TSPAN16: variants seen among roughly 807,000 people sequenced by gnomAD.
TSPAN16 encodes tetraspanin 16.
Under a neutral mutation model 25.2 loss-of-function variants are expected in TSPAN16, and 23 were observed. The observed-to-expected ratio is 0.91, with a 90% CI of 0.66 to 1.29. The LOEUF (loss-of-function observed/expected upper bound fraction) is 1.29, where lower values mean the gene tolerates loss of function less well. Ranked by LOEUF, TSPAN16 falls within the 50% of genes most tolerant of loss-of-function variation. The probability of loss-of-function intolerance (pLI) is 0.00; values close to 1 mark genes in which losing one functional copy is unlikely to be tolerated. For missense variants in TSPAN16, 272 were observed against 299.9 expected (o/e 0.91, Z 0.69); for synonymous variants, 123 against 124.4 (o/e 0.99, Z 0.08).
intron 3 of TSPAN16, among the ~76,000 whole-genome samples, chr19:11,300,080 A>T (rs1409591558): frequency 6.6e-6 from 1 of 152,156 alleles, no homozygotes; most frequent in Non-Finnish European, 1.5e-5. Context: ...ATACATCGAC[A>T]CAGTGGAATC....
chr19:11,302,961 C>T lies in TSPAN16; in HGVS notation c.450+1653C>T, dbSNP rs1036179718. ...GATCTTAAAAACTCCTGGCCTCAGC[C>T]GCCCCGTCCGGGAGGTGAGGGGCGC... On this transcript the variant is annotated intron_variant, in intron 4 of 6. Transcript: ENST00000590327. Among the ~76,000 whole-genome samples, 72 of 150,218 alleles carry T rather than the reference C, an allele frequency of 4.8e-4. 6 individuals carry two copies. The highest frequency in any genetic ancestry group is 1.8e-3 in the African/African-American group (71 of 40,024).
chr19:11,323,104 C>CT (rs1438188136), intron 6 of TSPAN16: 1 of 148,298 alleles, frequency 6.7e-6, no homozygotes, highest in African/African-American at 2.5e-5. Context: ...GAGCGACTCT[C>CT]TGTCTTAAAA....
At chr19:11,314,572 T>C (rs989629597) in intron 6 of TSPAN16, among the ~76,000 whole-genome samples, 2 of 152,118 alleles carry the variant, frequency 1.3e-5, no homozygotes, top group African/African-American at 2.4e-5. Context: ...TTGTAAACTA[T>C]ACAACACCTT....
chr19:11,308,546 C>A (rs577501875), intron 5 of TSPAN16, among the ~76,000 whole-genome samples: 1 of 151,790 alleles, frequency 6.6e-6, no homozygotes, highest in East Asian at 1.9e-4. Context: ...TCTTGGCTTA[C>A]TGCAAGCTCT....
chr19:11,319,989 G>A (rs566194910), downstream of TSPAN16, among the ~76,000 whole-genome samples: 28 of 151,014 alleles, frequency 1.9e-4, no homozygotes, highest in South Asian at 1.0e-3. Context: ...TAATTTTTTT[G>A]TTGTATTTTC....
At chr19:11,318,521 T>C (rs987876599), downstream of TSPAN16, among the ~76,000 whole-genome samples, 2 of 152,110 alleles carry the variant, frequency 1.3e-5, no homozygotes, top group Admixed American at 1.3e-4. Context: ...ATGATCCTAG[T>C]GGTTTTTAAG....
At chr19:11,312,293 G>A in intron 6 of TSPAN16, 71 bp downstream of exon 6, 3 of 962,292 alleles carry the variant, frequency 3.1e-6, no homozygotes, top group Admixed American at 2.4e-5. Flanking sequence ...ACACTGTTCT[G>A]GTCACTGGGA....
chr19:11,305,578 C>T (rs2080617590), intron 4 of TSPAN16, among the ~76,000 whole-genome samples: 1 of 150,180 alleles, frequency 6.7e-6, no homozygotes, highest in South Asian at 2.1e-4. Flanking sequence ...AAATAAAATC[C>T]TTGTTGGGCC....
intron 6 of TSPAN16, chr19:11,325,610 A>G (rs1474346262): frequency 2.0e-6 from 3 of 1,474,410 alleles, no homozygotes; most frequent in African/African-American, 2.5e-5. Flanking sequence ...AGGTGGGGAC[A>G]CTCGTAAGAC....
In TSPAN16 at chr19:11,312,231, C is replaced by A. The variant is rs927382584; in HGVS notation, c.687+9C>A. ...GAGCTGCAGTGATACAGGTAAGACCCAGCCTCTCTAGGGTCTTTGAGCTGT... is the reference window on the plus strand; with the variant it reads ...GAGCTGCAGTGATACAGGTAAGACCAAGCCTCTCTAGGGTCTTTGAGCTGT... On this transcript the variant is annotated intron_variant, in intron 6 of 6. Transcript: ENST00000590327. 6.2e-7 allele frequency: 1 copy of A among 1,605,286 alleles called. No individual in the cohort carries two copies. Among genetic ancestry groups the A allele is most frequent in the South Asian group, 1.1e-5 (1 of 90,094 alleles).
intron 6 of TSPAN16, among the ~76,000 whole-genome samples, chr19:11,313,539 A>T (rs961111677): frequency 2.0e-5 from 3 of 150,708 alleles, no homozygotes; most frequent in South Asian, 2.1e-4. Flanking sequence ...AAAAAAAAAA[A>T]AAATTATATC....
chr19:11,323,175 T>TACTTTAGTTTG (rs1442461424), intron 6 of TSPAN16: 1 of 140,912 alleles, frequency 7.1e-6, no homozygotes, highest in Admixed American at 6.6e-5. Flanking sequence ...TTTTTGAAGC[T>TACTTTAGTTTG]ACTTTAGTTT....
Position 11,296,283 on chromosome 19 carries a change from C to G in TSPAN16, c.-15C>G, listed in dbSNP as rs1303035569. 3 of 1,613,350 alleles carry G rather than the reference C, an allele frequency of 1.9e-6. No individual in the cohort carries two copies. The highest frequency in any genetic ancestry group is 2.5e-6 in the Non-Finnish European group (3 of 1,179,598). ...ATGTTAACTTAAATGTTCAGGGTGC[C>G]CCAGTCTGTTCAGCATGGCTGAAAT... On this transcript the variant is annotated 5_prime_UTR_variant, in exon 1 of 7. Coordinates refer to ENST00000590327, the MANE Select transcript of TSPAN16 (RefSeq NM_001282509.2).
At position 11,306,948 on chromosome 19, in the gene TSPAN16, T is replaced by C. The variant is rs1036289583; in HGVS notation, c.603+192T>C. ...CTCCCGCCCCAGCCTCCCAAGTAGC[T>C]GGGATCACAGGCATGCACCGCCACA... On this transcript the variant is annotated intron_variant, in intron 5 of 6. Coordinates refer to ENST00000590327, the MANE Select transcript of TSPAN16 (RefSeq NM_001282509.2). 2.3e-4 allele frequency: 120 copies of C among 532,640 alleles called. 1 individual carries two copies. In the East Asian group the frequency reaches 4.1e-3, roughly 18 times the overall value. 33.0% of individuals were successfully genotyped at this position (532,640 alleles called of 1,614,324 possible). A position where few individuals can be genotyped will look rare whatever the true frequency, so the allele number is the denominator to read the frequency against.
In TSPAN16 at chr19:11,301,022, T is replaced by G; in HGVS notation, c.343-179T>G. On this transcript the variant is annotated intron_variant, in intron 3 of 6. Transcript: ENST00000590327. Reference sequence around the variant, plus strand: ...GTCTCCCTGTTTCCCTCTCTTGTGGTGGGGGCACAGTAGCCTTCGTGTGTC... The same window carrying G: ...GTCTCCCTGTTTCCCTCTCTTGTGGGGGGGGCACAGTAGCCTTCGTGTGTC... 7.0e-6 allele frequency: 4 copies of G among 570,790 alleles called. No homozygotes were observed. The South Asian group carries it at 8.1e-5, about 12-fold the overall frequency. 35.4% of individuals were successfully genotyped at this position (570,790 alleles called of 1,614,324 possible). A position where few individuals can be genotyped will look rare whatever the true frequency, so the allele number is the denominator to read the frequency against.
At chr19:11,315,766 A>G in intron 6 of TSPAN16, 25 bp from the exon 7 acceptor site, 2 of 1,231,292 alleles carry the variant, frequency 1.6e-6, no homozygotes, top group South Asian at 8.2e-5. Context: ...CATTGGATCC[A>G]TGTTTCTTTC....
chr19:11,316,117 G>GTGT (rs375902342), downstream of TSPAN16: 51 of 228,872 alleles, frequency 2.2e-4, no homozygotes, highest in Non-Finnish European at 2.8e-4. Context: ...GTGTGTGTGT[G>GTGT]GTTTTTTTTT....
At chr19:11,297,958 T>C (rs572349806) in intron 1 of TSPAN16, among the ~76,000 whole-genome samples, 184 bp from the exon 2 acceptor site, 4 of 151,872 alleles carry the variant, frequency 2.6e-5, no homozygotes, top group Admixed American at 2.6e-4. Context: ...CTGGCTATTT[T>C]TTTTTTGTTG....
In TSPAN16 at chr19:11,306,600, A is replaced by G. The variant is rs80043919; in HGVS notation, c.451-4A>G. The G allele has an allele frequency of 3.6e-4, 578 of 1,613,210 alleles. 1 individual carries two copies. In the African/African-American group the frequency reaches 6.8e-3, roughly 19 times the overall value. On this transcript the variant is annotated splice_region_variant and splice_polypyrimidine_tract_variant and intron_variant, in intron 4 of 6. Transcript: ENST00000590327. Reference sequence around the variant, plus strand: ...TCTCCAAGTATTTCTTCTCCTCTCTATAGCTAAAGTGCTGTGGGGTGAATA... The same window carrying G: ...TCTCCAAGTATTTCTTCTCCTCTCTGTAGCTAAAGTGCTGTGGGGTGAATA...
Sources: allele counts gnomAD v4.1 joint callset (sites outside exome capture counted in the v4.1 genomes callset), GRCh38; gene constraint gnomAD v4.1.1; transcripts MANE v1.5; gene names NCBI Gene and HGNC (gene_info 2026-07-23, HGNC 2026-07-21).